RAB44: variants seen among roughly 807,000 people sequenced by gnomAD.
RAB44 encodes the protein ras-related protein Rab-44.
Under a neutral mutation model 93.3 loss-of-function variants are expected in RAB44, and 67 were observed. That is an observed-to-expected ratio of 0.72 (90% CI 0.59 to 0.88). The LOEUF (loss-of-function observed/expected upper bound fraction) is 0.88. Among genes scored for constraint, RAB44 ranks in the 40% least tolerant of loss-of-function variants. The pLI is 0.00. For synonymous variants in RAB44, 427 were observed against 520.3 expected, an observed-to-expected ratio of 0.82 and a Z score of 2.44; for missense variants, 1,064 against 1,261.7, an observed-to-expected ratio of 0.84 and a Z score of 2.37.
intron 9 of RAB44, 71 bp downstream of exon 9, chr6:36,722,804 G>A: frequency 2.0e-6 from 3 of 1,523,796 alleles, no homozygotes; most frequent in Non-Finnish European, 2.6e-6. Flanking sequence ...GTGAGAGCGG[G>A]CCCAGACCAA....
intron 1 of RAB44, among the ~76,000 whole-genome samples, chr6:36,703,656 T>C (rs1445847113): frequency 1.3e-5 from 2 of 151,932 alleles, no homozygotes; most frequent in Non-Finnish European, 2.9e-5. Flanking sequence ...ACTGATTCCA[T>C]GCTGCGTGTG....
intron 4 of RAB44, among the ~76,000 whole-genome samples, chr6:36,716,712 G>A (rs1056013291): frequency 2.0e-5 from 3 of 151,336 alleles, no homozygotes; most frequent in African/African-American, 7.3e-5. Context: ...GTGGGGCAAG[G>A]GGGTGGGGAG....
chr6:36,703,659 T>C (rs1025333205), intron 1 of RAB44, among the ~76,000 whole-genome samples: 3 of 151,938 alleles, frequency 2.0e-5, no homozygotes, highest in Non-Finnish European at 4.4e-5. Context: ...GATTCCATGC[T>C]GCGTGTGTCG....
chr6:36,727,747 T>G, intron 11 of RAB44, 56 bp downstream of exon 11: 1 of 1,059,472 alleles, frequency 9.4e-7, no homozygotes, highest in Non-Finnish European at 1.4e-6. Flanking sequence ...AGGGATCTTA[T>G]ATCCTGCCCA....
rs778671868 is a variant in RAB44, at chr6:36,704,427, C to CCGCGAGGACCTGGCGGTGAG, written c.194_207+6dup. 2.3e-5 allele frequency: 36 copies of CCGCGAGGACCTGGCGGTGAG among 1,535,482 alleles called. No individual in the cohort carries two copies. The highest frequency in any genetic ancestry group is 7.0e-6 in the Non-Finnish European group (8 of 1,146,790). Reference sequence around the variant, plus strand: ...GTGCCAAGGAGAGGGGCTTTGTCACCCGCGAGGACCTGGCGGTGAGCCCAA... The same window carrying CCGCGAGGACCTGGCGGTGAG: ...GTGCCAAGGAGAGGGGCTTTGTCACCCGCGAGGACCTGGCGGTGAGCGCGAGGACCTGGCGGTGAGCCCAA... On this transcript the variant is annotated frameshift_variant, in exon 2 of 14. Transcript: ENST00000612677. LOFTEE classifies it high-confidence loss of function.
intron 7 of RAB44, among the ~76,000 whole-genome samples, chr6:36,719,136 T>C (rs573660420): frequency 2.0e-4 from 30 of 152,176 alleles, no homozygotes; most frequent in Non-Finnish European, 3.8e-4. Context: ...CTCAATCTCC[T>C]GACCTTGTGA....
chr6:36,730,852 AT>A, intron 13 of RAB44, 103 bp downstream of exon 13: 1 of 510,854 alleles, frequency 2.0e-6, no homozygotes, highest in Non-Finnish European at 2.9e-6. Flanking sequence ...AGGAAGGCCC[AT>A]TCTGAGGAAA....
rs1381538364 is a variant in RAB44, at chr6:36,717,510, C to A, written c.641+91C>A. ...GGTTGAATTTCCCCAGCTCCTCCTG[C>A]AGCTGGGCCTGTGAGCTGGATAGGG... On this transcript the variant is annotated intron_variant, in intron 5 of 13. Transcript: ENST00000612677. The surrounding 1 kb of genome is among the most constrained non-coding windows in gnomAD (Gnocchi z 4.1). 2 of 1,192,816 alleles carry A rather than the reference C, an allele frequency of 1.7e-6. No individual in the cohort carries two copies. Among genetic ancestry groups the A allele is most frequent in the Non-Finnish European group, 2.1e-6 (2 of 953,292 alleles). 73.9% of individuals were successfully genotyped at this position (1,192,816 alleles called of 1,614,324 possible). A position where few individuals can be genotyped will look rare whatever the true frequency, so the allele number is the denominator to read the frequency against.
chr6:36,701,150 C>T (rs986582907), intron 1 of RAB44, among the ~76,000 whole-genome samples: 1 of 152,184 alleles, frequency 6.6e-6, no homozygotes, highest in African/African-American at 2.4e-5. Context: ...CACTCTGTTG[C>T]CTAGGCTAGA....
chr6:36,704,541 CCCT>C, intron 2 of RAB44, 99 bp downstream of exon 2: 1 of 1,100,198 alleles, frequency 9.1e-7, no homozygotes, highest in Non-Finnish European at 1.3e-6. Context: ...CTACCCCTGC[CCCT>C]TTCTCTCATT....
Position 36,731,010 on chromosome 6 carries a change from T to A in RAB44, c.2975+261T>A, listed in dbSNP as rs991966690. ...GGCACTTAGGCTCTCTGAGCCTCAGTTTTTTCATTTGCAAAGAGGGCTGAG... is the reference window on the plus strand; with the variant it reads ...GGCACTTAGGCTCTCTGAGCCTCAGATTTTTCATTTGCAAAGAGGGCTGAG... On this transcript the variant is annotated intron_variant, in intron 13 of 13. Coordinates refer to ENST00000612677, the MANE Select transcript of RAB44 (RefSeq NM_001257357.2). This position sits in a 1 kb window ranked among gnomAD's most constrained non-coding sequence, Gnocchi z 4.0. Among the ~76,000 whole-genome samples, 12 of 151,982 alleles carry A rather than the reference T, an allele frequency of 7.9e-5. No homozygotes were observed. The highest frequency in any genetic ancestry group is 2.9e-4 in the African/African-American group (12 of 41,406).
rs564618527 is a variant in RAB44, at chr6:36,711,346, C to T, written c.208-2482C>T. On this transcript the variant is annotated intron_variant, in intron 2 of 13. Coordinates refer to ENST00000612677, the MANE Select transcript of RAB44 (RefSeq NM_001257357.2). ...GAAGTATAGGAAATCTAGATTAACT[C>T]GTTTCTTCACAGAAAACAAATATAG... Among the ~76,000 whole-genome samples the T allele has an allele frequency of 5.9e-5, 9 of 152,270 alleles. No individual in the cohort carries two copies. The South Asian group carries it at 8.3e-4, about 14-fold the overall frequency.
At chr6:36,725,793 T>C (rs1164024909) in intron 9 of RAB44, 69 bp from the exon 10 acceptor site, 8 of 1,071,824 alleles carry the variant, frequency 7.5e-6, no homozygotes, top group Non-Finnish European at 1.1e-5. Flanking sequence ...AGGTGTATAC[T>C]GGGGTAGGCC....
In RAB44 at chr6:36,731,281, AG is replaced by A. The variant is rs1295623456; in HGVS notation, c.2975+533del. Among the ~76,000 whole-genome samples, 2 of 152,110 alleles carry A rather than the reference AG, an allele frequency of 1.3e-5. No homozygotes were observed. The highest frequency in any genetic ancestry group is 2.9e-5 in the Non-Finnish European group (2 of 68,014). ...ACCTGCCATCACTATTTTGGATCACAGCCCCTGTTTGTGTCCTTCATGGCCC... is the reference window on the plus strand; with the variant it reads ...ACCTGCCATCACTATTTTGGATCACACCCCTGTTTGTGTCCTTCATGGCCC... On this transcript the variant is annotated intron_variant, in intron 13 of 13. Transcript: ENST00000612677. This position sits in a 1 kb window ranked among gnomAD's most constrained non-coding sequence, Gnocchi z 4.0.
rs140103268 is a variant in RAB44, at chr6:36,709,716, A to C, written c.208-4112A>C. Among the ~76,000 whole-genome samples the C allele has an allele frequency of 5.0e-3, 757 of 152,136 alleles. 8 individuals are homozygous for C. The highest frequency in any genetic ancestry group is 0.017 in the African/African-American group (701 of 41,504). ...AATTACAGACGCCCGCCACCATGCCAGGAGGATTTTTTCTGTTTTTAGTAG... is the reference window on the plus strand; with the variant it reads ...AATTACAGACGCCCGCCACCATGCCCGGAGGATTTTTTCTGTTTTTAGTAG... On this transcript the variant is annotated intron_variant, in intron 2 of 13. Coordinates refer to ENST00000612677, the MANE Select transcript of RAB44 (RefSeq NM_001257357.2).
At position 36,731,172 on chromosome 6, in the gene RAB44, C is replaced by A. The variant is rs1235767991; in HGVS notation, c.2975+423C>A. Among the ~76,000 whole-genome samples the A allele has an allele frequency of 1.4e-5, 2 of 144,908 alleles. No homozygotes were observed. ...ACACACATTCACTCACACCCACACACACTCACACTCTTACACACACTCACA... is the reference window on the plus strand; with the variant it reads ...ACACACATTCACTCACACCCACACAAACTCACACTCTTACACACACTCACA... On this transcript the variant is annotated intron_variant, in intron 13 of 13. Transcript: ENST00000612677. This position sits in a 1 kb window ranked among gnomAD's most constrained non-coding sequence, Gnocchi z 4.0.
Position 36,725,884 on chromosome 6 carries a change from C to A in RAB44, c.2622C>A (p.Thr874=). The A allele has an allele frequency of 6.4e-7, 1 of 1,550,618 alleles. No homozygotes were observed. The highest frequency in any genetic ancestry group is 8.7e-7 in the Non-Finnish European group (1 of 1,146,968). The stretch of plus-strand genomic sequence containing the variant: ...TAGGAGTAGATTTTCGGGTCAAAAC[C>A]TTGCTGGTGGACAACAAGTGCTTTG... ...ATVGVDFRVK[T]LLVDNKCFVL... The change falls in exon 10 of 14, where the codon ACC becomes ACA. Residue 874 remains threonine, a synonymous_variant. Coordinates refer to ENST00000612677, the MANE Select transcript of RAB44 (RefSeq NM_001257357.2).
chr6:36,731,730 CCTGT>C lies in RAB44; in HGVS notation c.2976-266_2976-263del, dbSNP rs1763368735. Among the ~76,000 whole-genome samples the C allele has an allele frequency of 6.6e-6, 1 of 152,136 alleles. No homozygotes were observed. Among genetic ancestry groups the C allele is most frequent in the Non-Finnish European group, 1.5e-5 (1 of 68,034 alleles). On this transcript the variant is annotated intron_variant, in intron 13 of 13. Coordinates refer to ENST00000612677, the MANE Select transcript of RAB44 (RefSeq NM_001257357.2). This position sits in a 1 kb window ranked among gnomAD's most constrained non-coding sequence, Gnocchi z 4.0. ...TTCCCGGGCTGCAGTCACCCCTTTTCCTGTCTGTCTCTCTCACTACTCAAGGGAG... is the reference window on the plus strand; with the variant it reads ...TTCCCGGGCTGCAGTCACCCCTTTTCCTGTCTCTCTCACTACTCAAGGGAG...
intron 10 of RAB44, among the ~76,000 whole-genome samples, chr6:36,726,950 A>G (rs1017903948): frequency 2.6e-5 from 4 of 151,316 alleles, no homozygotes; most frequent in Non-Finnish European, 4.4e-5. Context: ...ACAGACACAT[A>G]CAACCACATC....
Sources: gnomAD v4.1 joint callset for allele counts (sites outside exome capture counted in the v4.1 genomes callset) on GRCh38, gnomAD v4.1.1 for gene constraint, Gnocchi (gnomAD v3.1) non-coding constraint, MANE v1.5 for transcripts, NCBI Gene and HGNC (gene_info 2026-07-23, HGNC 2026-07-21) for gene names.